Variants in JADE3 observed in about 807,000 individuals in gnomAD.
JADE3 encodes the protein jade family PHD finger 3.
JADE3 carries 2 observed loss-of-function variants against 50.1 expected under a neutral mutation model. That is an observed-to-expected ratio of 0.04 (90% CI 0.02 to 0.13). The LOEUF is 0.13. Ranked by LOEUF, JADE3 falls within the 10% of genes least tolerant of loss-of-function variation. The pLI is 1.00. For synonymous variants in JADE3, 218 were observed against 232.9 expected (o/e 0.94, Z 0.58); for missense variants, 475 against 634.4 (o/e 0.75, Z 2.70).
At chrX:46,931,675 C>T (rs1441856598) in intron 1 of JADE3, among the ~76,000 whole-genome samples, 3 of 111,310 alleles carry the variant, frequency 2.7e-5, no homozygotes, top group Admixed American at 9.6e-5. Context: ...CCACCTGCCT[C>T]GGCCTCCCAA....
At chrX:46,915,074 C>T (rs1444148511) in intron 1 of JADE3, among the ~76,000 whole-genome samples, 1 of 112,016 alleles carries the variant, frequency 8.9e-6, no homozygotes, top group African/African-American at 3.3e-5. Context: ...TTCCCCTAAC[C>T]TACACAAAGC....
At chrX:46,967,600 T>A (rs1311621310) in intron 1 of JADE3, among the ~76,000 whole-genome samples, 1 of 111,497 alleles carries the variant, frequency 9.0e-6, no homozygotes, top group Non-Finnish European at 1.9e-5. Context: ...AATTCAGGGG[T>A]AACTTGTTGT....
intron 8 of JADE3, among the ~76,000 whole-genome samples, chrX:47,041,192 G>T (rs1711876762): frequency 9.0e-6 from 1 of 111,188 alleles, no homozygotes; most frequent in Non-Finnish European, 1.9e-5. Context: ...TAGAGAGCCT[G>T]CCCATTGTTA....
At chrX:46,994,696 A>C (rs1226054699) in intron 3 of JADE3, among the ~76,000 whole-genome samples, 4 of 112,038 alleles carry the variant, frequency 3.6e-5, no homozygotes, top group Non-Finnish European at 7.5e-5. Flanking sequence ...GTGAACTCAT[A>C]TCTCTCTTAC....
chrX:46,922,332 A>AT (rs1926240312), intron 1 of JADE3, among the ~76,000 whole-genome samples: 1 of 110,121 alleles, frequency 9.1e-6, no homozygotes, highest in Non-Finnish European at 1.9e-5. Flanking sequence ...GGCTTTTAAA[A>AT]TTTTTTCATT....
At chrX:46,969,086 A>G (rs1927428183) in intron 1 of JADE3, among the ~76,000 whole-genome samples, 1 of 112,956 alleles carries the variant, frequency 8.9e-6, no homozygotes, top group Admixed American at 9.3e-5. Context: ...TATAGAGTAT[A>G]TTCTCAGACC....
chrX:46,987,850 C>A (rs1927897118), intron 3 of JADE3, among the ~76,000 whole-genome samples: 1 of 111,976 alleles, frequency 8.9e-6, no homozygotes, highest in Admixed American at 9.5e-5. Flanking sequence ...GATAGGGGAC[C>A]TGGGCTGCTG....
intron 1 of JADE3, among the ~76,000 whole-genome samples, chrX:46,974,201 C>T (rs1380743185): frequency 3.6e-5 from 4 of 111,357 alleles, no homozygotes; most frequent in Admixed American, 9.5e-5. Context: ...GTCAGGAGTT[C>T]GAGACCAGCC....
intron 6 of JADE3, among the ~76,000 whole-genome samples, chrX:47,031,117 TGTGA>T (rs1343728514): frequency 9.0e-6 from 1 of 111,144 alleles, no homozygotes; most frequent in African/African-American, 3.3e-5. Flanking sequence ...ATCTTATGAC[TGTGA>T]GTAAGTCCAC....
chrX:46,932,693 C>T lies in JADE3; in HGVS notation c.-12+19974C>T, dbSNP rs181403854. ...GTTGGTTTTGATGCTGTGCTAGCAC[C>T]TTCAAATACCTTTGTGATCATGCTA... On this transcript the variant is annotated intron_variant, in intron 1 of 10. Coordinates refer to ENST00000614628, the MANE Select transcript of JADE3 (RefSeq NM_014735.5). Among the ~76,000 whole-genome samples the T allele has an allele frequency of 2.5e-4, 28 of 111,972 alleles. No individual in the cohort carries two copies. The East Asian group carries it at 6.4e-3, about 26-fold the overall frequency.
chrX:47,013,896 C>T (rs1928616668), intron 4 of JADE3, among the ~76,000 whole-genome samples: 1 of 112,053 alleles, frequency 8.9e-6, no homozygotes, highest in Non-Finnish European at 1.9e-5. Context: ...CTTTGGCCCT[C>T]CAAAAAGTCA....
rs965066171 is a variant in JADE3 at position 46,926,594 on chromosome X, A to G, written c.-12+13875A>G. 3.6e-5 allele frequency among the ~76,000 whole-genome samples: 4 copies of G among 111,949 alleles called. No homozygotes were observed. In the South Asian group the frequency reaches 1.5e-3, roughly 42 times the overall value. On this transcript the variant is annotated intron_variant, in intron 1 of 10. Coordinates refer to ENST00000614628, the MANE Select transcript of JADE3 (RefSeq NM_014735.5). The stretch of plus-strand genomic sequence containing the variant: ...TAAATAGATCAGTGCAACCACCACC[A>G]CAATCCACCACAATCAAGGTGCAGA...
chrX:47,047,522 C>T (rs782190111), intron 8 of JADE3, among the ~76,000 whole-genome samples: 1 of 108,152 alleles, frequency 9.2e-6, no homozygotes, highest in South Asian at 4.1e-4. Context: ...GCACTCCAGC[C>T]TGGGCAACAA....
At chrX:47,056,575 AG>A (rs781903420) in intron 10 of JADE3, among the ~76,000 whole-genome samples, 20 of 112,372 alleles carry the variant, frequency 1.8e-4, no homozygotes, top group Non-Finnish European at 2.6e-4. Context: ...TCTTAACAAT[AG>A]TCTATTAAAA....
In JADE3 at chrX:47,035,139, G is replaced by A. The variant is rs186091844; in HGVS notation, c.855+1351G>A. ...TTAGCTGTGTGGATATCCCACTCAT[G>A]CCCTCTCTCCCCAGCCACTATCCAA... On this transcript the variant is annotated intron_variant, in intron 7 of 10. Transcript: ENST00000614628. Among the ~76,000 whole-genome samples, 770 of 109,822 alleles carry A rather than the reference G, an allele frequency of 7.0e-3. 7 individuals carry two copies. The highest frequency in any genetic ancestry group is 0.024 in the African/African-American group (718 of 30,138).
chrX:46,976,136 G>A lies in JADE3; in HGVS notation c.-11-8748G>A, dbSNP rs782757063. Among the ~76,000 whole-genome samples the A allele has an allele frequency of 1.3e-3, 146 of 111,842 alleles. 1 individual carries two copies. The highest frequency in any genetic ancestry group is 5.8e-3 in the Admixed American group (61 of 10,489). Reference sequence around the variant, plus strand: ...TTAAACTGCTACATGGCCCTGCAGAGGGCAGTGAATAGGGGCCCCTTGCAC... The same window carrying A: ...TTAAACTGCTACATGGCCCTGCAGAAGGCAGTGAATAGGGGCCCCTTGCAC... On this transcript the variant is annotated intron_variant, in intron 1 of 10. Coordinates refer to ENST00000614628, the MANE Select transcript of JADE3 (RefSeq NM_014735.5).
intron 1 of JADE3, among the ~76,000 whole-genome samples, chrX:46,951,192 T>C (rs2147115960): frequency 9.5e-6 from 1 of 105,268 alleles, no homozygotes; most frequent in South Asian, 4.2e-4. Flanking sequence ...GATTTCTGGC[T>C]AACTTTTGTG....
intron 1 of JADE3, among the ~76,000 whole-genome samples, chrX:46,944,103 T>C (rs1270237408): frequency 9.0e-6 from 1 of 111,023 alleles, no homozygotes; most frequent in African/African-American, 3.3e-5. Flanking sequence ...CTCCTTTTTG[T>C]TAGTCTAGTA....
intron 1 of JADE3, among the ~76,000 whole-genome samples, chrX:46,947,585 T>G (rs1926911316): frequency 8.9e-6 from 1 of 111,865 alleles, no homozygotes. Flanking sequence ...GACGTAACTG[T>G]TTTTTGTATC....
Sources: gnomAD v4.1 joint callset for allele counts (sites outside exome capture counted in the v4.1 genomes callset) on GRCh38, gnomAD v4.1.1 for gene constraint, MANE v1.5 for transcripts, NCBI Gene and HGNC (gene_info 2026-07-23, HGNC 2026-07-21) for gene names.